REV1: variants seen among roughly 807,000 people sequenced by gnomAD.
REV1 encodes the protein translesion synthesis protein REV1.
A neutral mutation model predicts 137.4 loss-of-function variants in REV1; 42 were observed. The observed-to-expected ratio is 0.31, with a 90% CI of 0.24 to 0.40. The LOEUF (loss-of-function observed/expected upper bound fraction) is 0.40. Among genes scored for constraint, REV1 ranks in the 10% least tolerant of loss-of-function variants. The pLI is 1.00. For missense variants in REV1, 1,282 were observed against 1,490.1 expected, an observed-to-expected ratio of 0.86 and a Z score of 2.30; for synonymous variants, 524 against 519.2, an observed-to-expected ratio of 1.01 and a Z score of -0.12.
chr2:99,465,730 T>C (rs1684719463), intron 1 of REV1, among the ~76,000 whole-genome samples: 1 of 152,230 alleles, frequency 6.6e-6, no homozygotes, highest in African/African-American at 2.4e-5. Context: ...ACTACATTTA[T>C]TCTTAACAAA....
intron 14 of REV1, among the ~76,000 whole-genome samples, chr2:99,409,049 G>A (rs1340468017): frequency 6.6e-6 from 1 of 152,162 alleles, no homozygotes; most frequent in Non-Finnish European, 1.5e-5. Context: ...AAAACGCTGG[G>A]AGGTCAAGGC....
chr2:99,472,598 G>GC (rs1193004483), intron 1 of REV1, among the ~76,000 whole-genome samples: 2 of 152,242 alleles, frequency 1.3e-5, no homozygotes, highest in Non-Finnish European at 2.9e-5. Flanking sequence ...ATAGGCACCT[G>GC]CAAGCTGCAG....
At chr2:99,423,034 A>G (rs1258849440) in intron 10 of REV1, among the ~76,000 whole-genome samples, 1 of 152,202 alleles carries the variant, frequency 6.6e-6, no homozygotes, top group Non-Finnish European at 1.5e-5. Flanking sequence ...TTATAACTGG[A>G]AAGTTAATTA....
At chr2:99,464,888 T>TC in intron 2 of REV1, 34 bp downstream of exon 2, 1 of 1,585,140 alleles carries the variant, frequency 6.3e-7, no homozygotes, top group Non-Finnish European at 8.7e-7. Flanking sequence ...ACTAGACAGT[T>TC]CGATATAATT....
At chr2:99,405,823 A>C in intron 17 of REV1, 87 bp downstream of exon 17, 1 of 960,214 alleles carries the variant, frequency 1.0e-6, no homozygotes, top group Non-Finnish European at 1.4e-6. Context: ...AAGAAATAAA[A>C]ATGCCATTTT....
At chr2:99,449,231 C>T in intron 4 of REV1, 105 bp downstream of exon 4, 2 of 606,518 alleles carry the variant, frequency 3.3e-6, no homozygotes, top group Non-Finnish European at 4.7e-6. Flanking sequence ...TGCCACTGCA[C>T]TCTAGCCTGG....
chr2:99,423,100 C>T (rs28382922), intron 10 of REV1, among the ~76,000 whole-genome samples: 1,675 of 152,300 alleles, frequency 0.011, 9 homozygotes, highest in Middle Eastern at 0.024. Flanking sequence ...TCATTCAGCA[C>T]TCACTCCTAC....
At chr2:99,477,922 G>C (rs1420652976) in intron 1 of REV1, among the ~76,000 whole-genome samples, 1 of 152,188 alleles carries the variant, frequency 6.6e-6, no homozygotes, top group African/African-American at 2.4e-5. Flanking sequence ...GAAAGAAGTA[G>C]AGACACTGTT....
At chr2:99,424,082 T>C in intron 10 of REV1, 70 bp downstream of exon 10, 8 of 1,487,390 alleles carry the variant, frequency 5.4e-6, no homozygotes, top group Non-Finnish European at 7.3e-6. Context: ...TAAAGAAAAC[T>C]TGAACTGTCT....
At chr2:99,489,666 C>T (rs1687493714) in intron 1 of REV1, among the ~76,000 whole-genome samples, 151 bp downstream of exon 1, 1 of 149,306 alleles carries the variant, frequency 6.7e-6, no homozygotes. Context: ...AGGACGGCCG[C>T]GGGCCGGGGC....
Position 99,442,487 on chromosome 2 carries a change from A to G in REV1, c.351-18T>C. 6.2e-7 allele frequency: 1 copy of G among 1,611,118 alleles called. No individual in the cohort carries two copies. The highest frequency in any genetic ancestry group is 8.5e-7 in the Non-Finnish European group (1 of 1,178,484). ...CTTTGATGCTGAAACAAAAAGCAAC[A>G]CCAATTTAGAGTTCCATACTTGGTG... On this transcript the variant is annotated intron_variant, in intron 4 of 22. Transcript: ENST00000258428.
At chr2:99,456,747 C>T (rs1046159772) in intron 3 of REV1, among the ~76,000 whole-genome samples, 3 of 152,176 alleles carry the variant, frequency 2.0e-5, no homozygotes, top group African/African-American at 4.8e-5. Flanking sequence ...CTACTATGGA[C>T]TGGCTTAGAC....
At chr2:99,415,601 A>G (rs142749517) in intron 12 of REV1, among the ~76,000 whole-genome samples, 54 of 152,354 alleles carry the variant, frequency 3.5e-4, no homozygotes, top group African/African-American at 1.2e-3. Context: ...GTGACCACTG[A>G]GCACTTGCCA....
Position 99,435,870 on chromosome 2 carries a change from C to G in REV1, c.1285G>C (p.Val429Leu). The change falls in exon 7 of 23, where the codon GTA becomes CTA. Residue 429 changes from valine to leucine, a missense_variant. Transcript: ENST00000258428. ...GGTCTATTTCGTATACCCACTGATACAAAGAAGCAATCCATATCAACATGC... is the reference window on the plus strand; with the variant it reads ...GGTCTATTTCGTATACCCACTGATAGAAAGAAGCAATCCATATCAACATGC... Reference protein sequence around the residue: ...IMHVDMDCFFVSVGIRNRPDL... With the variant: ...IMHVDMDCFFLSVGIRNRPDL... The G allele has an allele frequency of 1.2e-6, 2 of 1,607,302 alleles. No individual in the cohort carries two copies. Among genetic ancestry groups the G allele is most frequent in the Non-Finnish European group, 1.7e-6 (2 of 1,174,768 alleles).
At chr2:99,474,393 A>G (rs1377433850) in intron 1 of REV1, among the ~76,000 whole-genome samples, 1 of 152,216 alleles carries the variant, frequency 6.6e-6, no homozygotes, top group Non-Finnish European at 1.5e-5. Flanking sequence ...CAAATCTTCA[A>G]TGGAAAAAAT....
intron 3 of REV1, among the ~76,000 whole-genome samples, chr2:99,453,187 C>A (rs964806631): frequency 2.6e-5 from 4 of 151,838 alleles, no homozygotes; most frequent in African/African-American, 9.7e-5. Flanking sequence ...GGTGAAACCC[C>A]GTCTCTACTA....
At chr2:99,403,511 A>T in intron 19 of REV1, 184 bp downstream of exon 19, 1 of 785,064 alleles carries the variant, frequency 1.3e-6, no homozygotes, top group Non-Finnish European at 2.0e-6. Flanking sequence ...GAAAGTACAG[A>T]CACAAATCCA....
chr2:99,407,679 T>C (rs1676530504), intron 15 of REV1, among the ~76,000 whole-genome samples: 1 of 152,172 alleles, frequency 6.6e-6, no homozygotes, highest in African/African-American at 2.4e-5. Context: ...ATGCAGAGTA[T>C]GTTTCTGATT....
At chr2:99,439,336 T>C (rs1681176305) in intron 5 of REV1, 26 bp from the exon 6 acceptor site, 1 of 1,517,876 alleles carries the variant, frequency 6.6e-7, no homozygotes, top group Non-Finnish European at 9.0e-7. Flanking sequence ...ATTTTTGAGT[T>C]AATAATATCT....
Sources: gnomAD v4.1 joint callset for allele counts (sites outside exome capture counted in the v4.1 genomes callset) on GRCh38, gnomAD v4.1.1 for gene constraint, MANE v1.5 for transcripts, NCBI Gene and HGNC (gene_info 2026-07-23, HGNC 2026-07-21) for gene names.